MMAA: variants seen among roughly 807,000 people sequenced by gnomAD.
MMAA encodes methylmalonic aciduria type A protein, mitochondrial.
A neutral mutation model predicts 45.0 loss-of-function variants in MMAA; 41 were observed. That is an observed-to-expected ratio of 0.91 (90% CI 0.71 to 1.18). The LOEUF is 1.18. MMAA is among the 50% of genes most tolerant of loss of function. MMAA has a pLI of 0.00. For missense variants in MMAA, 460 were observed against 495.7 expected (o/e 0.93, Z 0.68); for synonymous variants, 154 against 178.2 (o/e 0.86, Z 1.08).
intron 1 of MMAA, among the ~76,000 whole-genome samples, chr4:145,629,373 G>T (rs980183391): frequency 6.6e-6 from 1 of 152,056 alleles, no homozygotes; most frequent in Non-Finnish European, 1.5e-5. Flanking sequence ...AACCACCCTT[G>T]TACCCCAGGG....
At chr4:145,653,006 A>G (rs1295049866) in intron 5 of MMAA, among the ~76,000 whole-genome samples, 1 of 151,832 alleles carries the variant, frequency 6.6e-6, no homozygotes, top group Non-Finnish European at 1.5e-5. Flanking sequence ...GGTAGCTGGG[A>G]CTACAGCCAT....
chr4:145,658,871 C>T lies in MMAA; in HGVS notation c.*3437C>T, dbSNP rs1202203870. On this transcript the variant is annotated 3_prime_UTR_variant, in exon 7 of 7. Coordinates refer to ENST00000649156, the MANE Select transcript of MMAA (RefSeq NM_172250.3). ...TTGTGCAGATGGTGGAGCTTTTCTG[C>T]TCCTAAAGCCTGAGAAATGCAAATG... is the stretch of plus-strand genomic sequence containing the variant. 6.6e-6 allele frequency: 1 copy of T among 152,202 alleles called. No individual in the cohort carries two copies. Among genetic ancestry groups the T allele is most frequent in the African/African-American group, 2.4e-5 (1 of 41,448 alleles). The allele number at this position is 152,202 out of a possible 1,614,324, so 9.4% of individuals were successfully genotyped here. A position where few individuals can be genotyped will look rare whatever the true frequency, so the allele number is the denominator to read the frequency against.
At chr4:145,632,994 GC>G (rs1335341162) in intron 1 of MMAA, among the ~76,000 whole-genome samples, 1 of 151,618 alleles carries the variant, frequency 6.6e-6, no homozygotes, top group African/African-American at 2.4e-5. Context: ...GGATCTGTAT[GC>G]CTTGGCCTCC....
chr4:145,639,435 C>T lies in MMAA; in HGVS notation c.296C>T (p.Ala99Val), dbSNP rs1727719857. ...LYTGLIQGQR[A>V]CLAEAITLVE... ...ACTGGTTTAATCCAAGGGCAAAGGG[C>T]CTGTTTAGCAGAGGCCATAACTCTT... The change falls in exon 2 of 7, where the codon GCC becomes GTC. Residue 99 changes from alanine (A) to valine (V), a missense_variant. Physicochemically the swap from Ala to Val is moderately conservative, Grantham distance 64. Coordinates refer to ENST00000649156, the MANE Select transcript of MMAA (RefSeq NM_172250.3). 6.2e-7 allele frequency: 1 copy of T among 1,613,946 alleles called. No individual in the cohort carries two copies. The highest frequency in any genetic ancestry group is 1.3e-5 in the African/African-American group (1 of 74,900).
At chr4:145,625,595 C>G in intron 1 of MMAA, 2 of 791,848 alleles carry the variant, frequency 2.5e-6, no homozygotes, top group East Asian at 2.5e-5. Flanking sequence ...TGGTCTGGCA[C>G]AGAGCAGTTG....
chr4:145,623,068 C>T (rs574949135), intron 1 of MMAA, among the ~76,000 whole-genome samples: 1 of 152,260 alleles, frequency 6.6e-6, no homozygotes, highest in African/African-American at 2.4e-5. Flanking sequence ...CATTTTAAAG[C>T]ATGGACATAA....
intron 3 of MMAA, among the ~76,000 whole-genome samples, chr4:145,643,932 C>T (rs978750786): frequency 6.6e-6 from 1 of 151,980 alleles, no homozygotes; most frequent in African/African-American, 2.4e-5. Flanking sequence ...AAATAGTGGT[C>T]CCTTTCTCAG....
At chr4:145,644,690 C>G (rs1015341710) in intron 3 of MMAA, among the ~76,000 whole-genome samples, 1 of 152,198 alleles carries the variant, frequency 6.6e-6, no homozygotes, top group East Asian at 1.9e-4. Context: ...AGTGCCTACT[C>G]TTAACACTTT....
rs554173653 is a variant in MMAA, at chr4:145,650,644, A to G, written c.734-418A>G. Reference sequence around the variant, plus strand: ...CGTGCCTATGGAGGAGAGAACACACATAGTTGGATTGATCCATACATAATT... The same window carrying G: ...CGTGCCTATGGAGGAGAGAACACACGTAGTTGGATTGATCCATACATAATT... On this transcript the variant is annotated intron_variant, in intron 4 of 6. Transcript: ENST00000649156. The G allele has an allele frequency of 7.2e-4, 143 of 198,120 alleles. 4 individuals are homozygous for G. The South Asian group carries it at 0.013, about 18-fold the overall frequency. The allele number at this position is 198,120 out of a possible 1,614,324, so 12.3% of individuals were successfully genotyped here.
At chr4:145,652,018 G>A (rs78257023) in intron 5 of MMAA, among the ~76,000 whole-genome samples, 4,925 of 152,070 alleles carry the variant, frequency 0.032, 241 homozygotes, top group African/African-American at 0.11. Flanking sequence ...GTTCCTCCGT[G>A]GCCTGGGGGT....
intron 4 of MMAA, among the ~76,000 whole-genome samples, chr4:145,648,583 G>A (rs1253949110): frequency 6.6e-6 from 1 of 152,196 alleles, no homozygotes; most frequent in East Asian, 1.9e-4. Flanking sequence ...AGAATCAAAG[G>A]AGAAGAGCAC....
intron 4 of MMAA, 77 bp downstream of exon 4, chr4:145,646,233 G>T: frequency 6.5e-7 from 1 of 1,543,226 alleles, no homozygotes. Flanking sequence ...ACTTATTTTT[G>T]TTCATTCAGC....
chr4:145,652,904 C>T (rs1370243614), intron 5 of MMAA, among the ~76,000 whole-genome samples: 1 of 151,852 alleles, frequency 6.6e-6, no homozygotes, highest in Non-Finnish European at 1.5e-5. Context: ...GGGTCTCACT[C>T]TGTTTCCCAG....
chr4:145,638,312 T>C (rs796842958), intron 1 of MMAA, among the ~76,000 whole-genome samples: 7 of 152,134 alleles, frequency 4.6e-5, no homozygotes, highest in African/African-American at 1.4e-4. Flanking sequence ...GAGCTTGCAG[T>C]GAGCCGAGAT....
rs1361466706 is a variant in MMAA at position 145,658,659 on chromosome 4, G to A, written c.*3225G>A. ...AGACAACAGCTAACGAACAACATAC[G>A]TGTGATAATTTATGTAGTTGAACCT... On this transcript the variant is annotated 3_prime_UTR_variant, in exon 7 of 7. Transcript: ENST00000649156. The A allele has an allele frequency of 6.8e-5, 10 of 147,770 alleles. No individual in the cohort carries two copies. The highest frequency in any genetic ancestry group is 3.4e-4 in the Admixed American group (5 of 14,760). The allele number at this position is 147,770 out of a possible 1,614,324, so 9.2% of individuals were successfully genotyped here.
At chr4:145,620,384 G>T (rs1164988587) in intron 1 of MMAA, among the ~76,000 whole-genome samples, 2 of 152,236 alleles carry the variant, frequency 1.3e-5, no homozygotes, top group Non-Finnish European at 2.9e-5. Context: ...AGAATGGAAA[G>T]AGCTGGTGAA....
At chr4:145,651,717 T>C (rs1231727530) in intron 5 of MMAA, among the ~76,000 whole-genome samples, 1 of 152,184 alleles carries the variant, frequency 6.6e-6, no homozygotes, top group African/African-American at 2.4e-5. Flanking sequence ...GGTTTAGTAA[T>C]TCACTAGAAC....
chr4:145,656,946 C>G lies in MMAA; in HGVS notation c.*1512C>G, dbSNP rs1350683756. The G allele has an allele frequency of 6.6e-6, 1 of 152,158 alleles. No homozygotes were observed. The highest frequency in any genetic ancestry group is 2.4e-5 in the African/African-American group (1 of 41,446). The allele number at this position is 152,158 out of a possible 1,614,324, so 9.4% of individuals were successfully genotyped here. A position where few individuals can be genotyped will look rare whatever the true frequency, so the allele number is the denominator to read the frequency against. On this transcript the variant is annotated 3_prime_UTR_variant, in exon 7 of 7. Coordinates refer to ENST00000649156, the MANE Select transcript of MMAA (RefSeq NM_172250.3). ...AGGAGAAACTTTGAAAGGTTATCCA[C>G]TTGACTTTTCTGATTTTAGAAAGGA...
At chr4:145,631,129 T>C (rs574402690) in intron 1 of MMAA, among the ~76,000 whole-genome samples, 38 of 152,326 alleles carry the variant, frequency 2.5e-4, no homozygotes, top group African/African-American at 8.9e-4. Context: ...TCCACAGCCA[T>C]TGGATGAAAT....
Sources: gnomAD v4.1 joint callset for allele counts (sites outside exome capture counted in the v4.1 genomes callset) on GRCh38, gnomAD v4.1.1 for gene constraint, MANE v1.5 for transcripts, NCBI Gene and HGNC (gene_info 2026-07-23, HGNC 2026-07-21) for gene names.